CDH8: variants seen among roughly 807,000 people sequenced by gnomAD.
CDH8 encodes cadherin 8.
In CDH8, 17 loss-of-function variants were observed where a neutral mutation model predicts 68.1. The ratio of observed to expected loss-of-function variants is 0.25; its 90% confidence interval spans 0.17 to 0.37. CDH8 has a LOEUF of 0.37. Among genes scored for constraint, CDH8 ranks in the 10% least tolerant of loss-of-function variants. The probability of loss-of-function intolerance (pLI) is 1.00; values close to 1 mark genes in which losing one functional copy is unlikely to be tolerated. For missense variants in CDH8, 763 were observed against 999.3 expected (o/e 0.76, Z 3.19); for synonymous variants, 372 against 365.1 (o/e 1.02, Z -0.21).
chr16:61,698,253 G>A (rs1482612562), intron 10 of CDH8, among the ~76,000 whole-genome samples: 1 of 152,154 alleles, frequency 6.6e-6, no homozygotes, highest in Non-Finnish European at 1.5e-5. Context: ...ATCCCTGGAT[G>A]TATCCATTTT....
intron 2 of CDH8, among the ~76,000 whole-genome samples, chr16:61,964,864 TTG>T (rs1306855526): frequency 1.3e-5 from 2 of 152,192 alleles, no homozygotes; most frequent in African/African-American, 2.4e-5. Context: ...TTATGTCTTT[TTG>T]TGTTTAAAAT....
intron 2 of CDH8, among the ~76,000 whole-genome samples, chr16:61,939,177 A>C (rs1309974393): frequency 6.6e-6 from 1 of 152,236 alleles, no homozygotes; most frequent in Non-Finnish European, 1.5e-5. Context: ...TGTTAGATAC[A>C]GAAAGATGAA....
intron 8 of CDH8, among the ~76,000 whole-genome samples, chr16:61,781,413 T>G (rs1177400103): frequency 6.6e-6 from 1 of 151,684 alleles, no homozygotes; most frequent in East Asian, 1.9e-4. Flanking sequence ...GGCAACATGG[T>G]GAGACCCTGT....
intron 8 of CDH8, among the ~76,000 whole-genome samples, chr16:61,780,862 A>T (rs1961032617): frequency 1.3e-5 from 2 of 152,196 alleles, no homozygotes; most frequent in African/African-American, 4.8e-5. Flanking sequence ...TTAATTGTAC[A>T]CTTAAAGTTC....
At chr16:61,674,226 G>A (rs1252211106) in intron 10 of CDH8, among the ~76,000 whole-genome samples, 11 of 152,044 alleles carry the variant, frequency 7.2e-5, no homozygotes, top group East Asian at 5.8e-4. Flanking sequence ...AGGCCAAGGC[G>A]GGCATATTAT....
chr16:61,818,699 G>A (rs1301692370), intron 6 of CDH8, among the ~76,000 whole-genome samples: 1 of 152,130 alleles, frequency 6.6e-6, no homozygotes, highest in Non-Finnish European at 1.5e-5. Context: ...TAATACTTCA[G>A]ATTTCAAGAA....
At position 62,021,154 on chromosome 16, in the gene CDH8, G is replaced by A; in HGVS notation, c.250C>T (p.Arg84Trp). 3 of 1,613,526 alleles carry A rather than the reference G, an allele frequency of 1.9e-6. No homozygotes were observed. Among genetic ancestry groups the A allele is most frequent in the Non-Finnish European group, 2.5e-6 (3 of 1,179,672 alleles). Residue 84 changes from arginine (R) to tryptophan (W), a missense_variant and splice_region_variant, in exon 2 of 12, where the codon CGG becomes TGG. This residue lies in a region of CDH8 where 366 missense variants were observed against 563.1 expected (regional missense o/e 0.65). Coordinates refer to ENST00000577390, the MANE Select transcript of CDH8 (RefSeq NM_001796.5). ...GAGATCTTAAAAACAAAGCTTACCC[G>A]GCCAACAAGAATCGGTTCAGGTCCA... ...FSGPEPILVG[R>W]LHTDLDPGSK...
chr16:61,917,529 G>C (rs946305718), intron 2 of CDH8, among the ~76,000 whole-genome samples: 1 of 152,140 alleles, frequency 6.6e-6, no homozygotes, highest in Non-Finnish European at 1.5e-5. Context: ...ATGCACAGAC[G>C]AGACTTCATC....
At chr16:61,791,765 C>T (rs1961385416) in intron 7 of CDH8, among the ~76,000 whole-genome samples, 1 of 151,956 alleles carries the variant, frequency 6.6e-6, no homozygotes, top group Non-Finnish European at 1.5e-5. Context: ...TGGAAGTTGG[C>T]ATTTAAAAAA....
intron 3 of CDH8, among the ~76,000 whole-genome samples, chr16:61,896,422 A>G (rs544963690): frequency 2.0e-5 from 3 of 152,254 alleles, no homozygotes; most frequent in African/African-American, 7.2e-5. Context: ...TTTCTGCACA[A>G]TGAAATCCCT....
At chr16:61,810,509 TGAAG>T (rs1415815063) in intron 7 of CDH8, among the ~76,000 whole-genome samples, 2 of 151,646 alleles carry the variant, frequency 1.3e-5, no homozygotes, top group African/African-American at 4.8e-5. Flanking sequence ...AGACAGGAAA[TGAAG>T]GGAGAATAAA....
intron 2 of CDH8, among the ~76,000 whole-genome samples, chr16:61,901,743 G>A (rs188119254): frequency 1.3e-5 from 2 of 152,174 alleles, no homozygotes; most frequent in South Asian, 2.1e-4. Context: ...AAAAGGTCAA[G>A]GAGAAAAATA....
intron 4 of CDH8, among the ~76,000 whole-genome samples, chr16:61,837,022 A>G (rs1463892489): frequency 6.6e-6 from 1 of 151,860 alleles, no homozygotes; most frequent in Non-Finnish European, 1.5e-5. Flanking sequence ...GTTGCATTCC[A>G]CAAGTCCTGT....
At chr16:61,799,844 T>G in intron 7 of CDH8, among the ~76,000 whole-genome samples, 1 of 152,326 alleles carries the variant, frequency 6.6e-6, no homozygotes. Context: ...TACCAAATAA[T>G]AAGGAGTTTT....
intron 2 of CDH8, among the ~76,000 whole-genome samples, chr16:61,943,159 T>C (rs1275368007): frequency 6.6e-6 from 1 of 152,236 alleles, no homozygotes; most frequent in East Asian, 1.9e-4. Context: ...TTCTGCATTA[T>C]ATCACTCTGT....
At chr16:61,733,458 T>C (rs919291545) in intron 8 of CDH8, among the ~76,000 whole-genome samples, 5 of 151,486 alleles carry the variant, frequency 3.3e-5, no homozygotes, top group African/African-American at 1.2e-4. Flanking sequence ...GACACTAAAA[T>C]AAAATAATAA....
chr16:61,764,790 G>A (rs1960548367), intron 8 of CDH8, among the ~76,000 whole-genome samples: 1 of 151,968 alleles, frequency 6.6e-6, no homozygotes, highest in Non-Finnish European at 1.5e-5. Context: ...TCATGTAAAA[G>A]TTTAAAAAAT....
chr16:61,938,222 A>G (rs1023691643), intron 2 of CDH8, among the ~76,000 whole-genome samples: 1 of 152,148 alleles, frequency 6.6e-6, no homozygotes, highest in African/African-American at 2.4e-5. Flanking sequence ...GCTGTAGACA[A>G]GTTGATGAGG....
intron 3 of CDH8, among the ~76,000 whole-genome samples, chr16:61,874,952 G>T (rs1963434964): frequency 6.6e-6 from 1 of 152,080 alleles, no homozygotes; most frequent in Admixed American, 6.6e-5. Flanking sequence ...CTAGAATCTG[G>T]GGATTCAAGA....
Sources: gnomAD v4.1 joint callset for allele counts (sites outside exome capture counted in the v4.1 genomes callset) on GRCh38, gnomAD v4.1.1 for gene constraint, gnomAD v4.1.1 regional missense constraint, MANE v1.5 for transcripts, NCBI Gene and HGNC (gene_info 2026-07-23, HGNC 2026-07-21) for gene names.